KCNN2: variants seen among roughly 807,000 people sequenced by gnomAD.
KCNN2 encodes potassium calcium-activated channel subfamily N member 2, also known as small conductance calcium-activated potassium channel protein 2.
Under a neutral mutation model 55.5 loss-of-function variants are expected in KCNN2, and 24 were observed. That is an observed-to-expected ratio of 0.43 (90% CI 0.31 to 0.61). KCNN2 has a LOEUF of 0.61. Ranked by LOEUF, KCNN2 falls within the 20% of genes least tolerant of loss-of-function variation. The probability of loss-of-function intolerance (pLI) is 0.08; values close to 1 mark genes in which losing one functional copy is unlikely to be tolerated. For missense variants in KCNN2, 754 were observed against 853.6 expected (o/e 0.88, Z 1.45); for synonymous variants, 431 against 336.1 (o/e 1.28, Z -3.09).
At chr5:114,436,664 G>C (rs1451004134) in intron 3 of KCNN2, among the ~76,000 whole-genome samples, 1 of 152,094 alleles carries the variant, frequency 6.6e-6, no homozygotes, top group African/African-American at 2.4e-5. Context: ...TTAATGAAAC[G>C]TATCTGTACA....
intron 2 of KCNN2, among the ~76,000 whole-genome samples, chr5:114,364,593 TA>T (rs1757546779): frequency 6.6e-6 from 1 of 151,838 alleles, no homozygotes; most frequent in Non-Finnish European, 1.5e-5. Flanking sequence ...ATTTAAGAGT[TA>T]AGGCCACTGT....
Position 114,417,424 on chromosome 5 carries a change from G to C in KCNN2, c.1637+12568G>C, listed in dbSNP as rs186407615. On this transcript the variant is annotated intron_variant, in intron 3 of 7. Coordinates refer to ENST00000673685, the MANE Select transcript of KCNN2 (RefSeq NM_021614.4). Reference sequence around the variant, plus strand: ...GGGTTCTGAGAAGTTTGGAGGTGTCGGTGTGAAGTGAGAAGCCACTCTGCT... The same window carrying C: ...GGGTTCTGAGAAGTTTGGAGGTGTCCGTGTGAAGTGAGAAGCCACTCTGCT... 5.3e-4 allele frequency among the ~76,000 whole-genome samples: 81 copies of C among 152,146 alleles called. No individual in the cohort carries two copies. The South Asian group carries it at 9.4e-3, about 18-fold the overall frequency.
intron 3 of KCNN2, among the ~76,000 whole-genome samples, chr5:114,427,136 C>T (rs1759652507): frequency 6.6e-6 from 1 of 152,172 alleles, no homozygotes; most frequent in South Asian, 2.1e-4. Flanking sequence ...TTGTTCTCTT[C>T]TCCCCCTGCA....
At chr5:114,165,282 T>C (rs1432266706) in intron 1 of KCNN2, among the ~76,000 whole-genome samples, 1 of 152,154 alleles carries the variant, frequency 6.6e-6, no homozygotes, top group East Asian at 1.9e-4. Flanking sequence ...AGATCCCTCC[T>C]CTTCCTCTAC....
intron 6 of KCNN2, among the ~76,000 whole-genome samples, chr5:114,489,403 C>T (rs1477557400): frequency 2.6e-5 from 4 of 152,088 alleles, no homozygotes; most frequent in East Asian, 1.9e-4. Flanking sequence ...ACTGTGGAGT[C>T]GCTTGCACGG....
At chr5:114,172,494 T>A (rs1281648491) in intron 1 of KCNN2, among the ~76,000 whole-genome samples, 1 of 151,610 alleles carries the variant, frequency 6.6e-6, no homozygotes, top group Non-Finnish European at 1.5e-5. Context: ...AATTACCTTG[T>A]CTTTCTGGAA....
intron 2 of KCNN2, among the ~76,000 whole-genome samples, chr5:114,262,577 T>C (rs1027853633): frequency 2.0e-5 from 3 of 152,192 alleles, no homozygotes; most frequent in Non-Finnish European, 4.4e-5. Context: ...TGTGCGGCAA[T>C]TGCCCTCCCT....
chr5:114,114,888 G>A (rs1751680415), intron 1 of KCNN2, among the ~76,000 whole-genome samples: 1 of 152,130 alleles, frequency 6.6e-6, no homozygotes, highest in African/African-American at 2.4e-5. Flanking sequence ...AGGATTAACA[G>A]CTTCGCCTAG....
At chr5:114,062,115 T>A (rs1750345632) in intron 1 of KCNN2, among the ~76,000 whole-genome samples, 1 of 151,082 alleles carries the variant, frequency 6.6e-6, no homozygotes, top group Admixed American at 6.6e-5. Flanking sequence ...TTTTTTTTTA[T>A]AAAATTTAGT....
intron 1 of KCNN2, among the ~76,000 whole-genome samples, chr5:114,113,870 G>T (rs1751657767): frequency 6.6e-6 from 1 of 152,092 alleles, no homozygotes; most frequent in Admixed American, 6.6e-5. Context: ...TCTGGTTTTA[G>T]TCAGGTAAAG....
At chr5:114,177,004 G>C (rs900644196) in intron 1 of KCNN2, among the ~76,000 whole-genome samples, 8 of 151,794 alleles carry the variant, frequency 5.3e-5, no homozygotes, top group African/African-American at 1.9e-4. Flanking sequence ...TCTCATGTCT[G>C]AAAAACTCTT....
chr5:114,368,418 C>T (rs550949428), intron 2 of KCNN2, among the ~76,000 whole-genome samples: 2 of 152,182 alleles, frequency 1.3e-5, no homozygotes, highest in East Asian at 1.9e-4. Context: ...TCTCTTCATT[C>T]GTGCACCAAG....
intron 1 of KCNN2, among the ~76,000 whole-genome samples, chr5:114,216,313 A>T (rs1457166473): frequency 6.6e-6 from 1 of 152,196 alleles, no homozygotes; most frequent in Non-Finnish European, 1.5e-5. Flanking sequence ...TGACATTAAC[A>T]TATGGCTCTG....
intron 2 of KCNN2, among the ~76,000 whole-genome samples, chr5:114,255,412 T>C (rs1342453125): frequency 6.6e-6 from 1 of 152,124 alleles, no homozygotes; most frequent in African/African-American, 2.4e-5. Context: ...CTAATTAAGA[T>C]AGCAATGTAA....
intron 2 of KCNN2, among the ~76,000 whole-genome samples, chr5:114,315,847 G>T (rs762526786): frequency 2.6e-5 from 4 of 152,168 alleles, no homozygotes; most frequent in Non-Finnish European, 5.9e-5. Context: ...AAGCCTTTCT[G>T]TGGAGTGACC....
chr5:114,282,076 A>G (rs1175210109), intron 2 of KCNN2, among the ~76,000 whole-genome samples: 2 of 152,078 alleles, frequency 1.3e-5, no homozygotes, highest in African/African-American at 2.4e-5. Context: ...GTCTTCTTGT[A>G]TATATCCATA....
Position 114,465,449 on chromosome 5 carries a change from C to A in KCNN2, c.1779+2259C>A, listed in dbSNP as rs553857663. Among the ~76,000 whole-genome samples, 88 of 152,186 alleles carry A rather than the reference C, an allele frequency of 5.8e-4. 2 individuals are homozygous for A. Among genetic ancestry groups the A allele is most frequent in the African/African-American group, 2.1e-3 (88 of 41,520 alleles). On this transcript the variant is annotated intron_variant, in intron 4 of 7. Coordinates refer to ENST00000673685, the MANE Select transcript of KCNN2 (RefSeq NM_021614.4). ...CCAACATGGAGAAACCCCCTCTCTACTAAAAATACAGAATTAGCCAGGTGT... is the reference window on the plus strand; with the variant it reads ...CCAACATGGAGAAACCCCCTCTCTAATAAAAATACAGAATTAGCCAGGTGT...
chr5:114,081,669 A>G (rs1213238962), intron 1 of KCNN2, among the ~76,000 whole-genome samples: 1 of 152,244 alleles, frequency 6.6e-6, no homozygotes, highest in African/African-American at 2.4e-5. Flanking sequence ...TAAAACTCTT[A>G]GAAGAAAACA....
chr5:114,248,410 A>G (rs1754789530), intron 2 of KCNN2, among the ~76,000 whole-genome samples: 1 of 152,240 alleles, frequency 6.6e-6, no homozygotes, highest in Non-Finnish European at 1.5e-5. Flanking sequence ...CCAACATTGA[A>G]AAGAACATGT....
Sources: gnomAD v4.1 joint callset for allele counts (sites outside exome capture counted in the v4.1 genomes callset) on GRCh38, gnomAD v4.1.1 for gene constraint, MANE v1.5 for transcripts, NCBI Gene and HGNC (gene_info 2026-07-23, HGNC 2026-07-21) for gene names.